Variants in ADAMTSL1 observed in about 807,000 individuals in gnomAD.
ADAMTSL1 encodes the protein ADAMTS-like protein 1.
Under a neutral mutation model 201.8 loss-of-function variants are expected in ADAMTSL1, and 126 were observed. The ratio of observed to expected loss-of-function variants is 0.62; its 90% confidence interval spans 0.54 to 0.72. The LOEUF (loss-of-function observed/expected upper bound fraction) is 0.72, where lower values mean the gene tolerates loss of function less well. Among genes scored for constraint, ADAMTSL1 ranks in the 30% least tolerant of loss-of-function variants. The pLI is 0.00. For missense variants in ADAMTSL1, 2,679 were observed against 2,277.8 expected (o/e 1.18, Z -3.59); for synonymous variants, 1,121 against 903.4 (o/e 1.24, Z -4.32).
At chr9:18,650,177 G>A (rs1828135331) in intron 7 of ADAMTSL1, among the ~76,000 whole-genome samples, 1 of 152,204 alleles carries the variant, frequency 6.6e-6, no homozygotes, top group South Asian at 2.1e-4. Flanking sequence ...GACTCCGTGG[G>A]CGTGGGACCC....
chr9:17,968,707 C>A (rs913649199), intron 1 of ADAMTSL1, among the ~76,000 whole-genome samples: 1 of 152,242 alleles, frequency 6.6e-6, no homozygotes, highest in African/African-American at 2.4e-5. Flanking sequence ...CAGGCTGTGT[C>A]ATGCACTGGC....
chr9:18,016,131 G>C (rs1820250714), intron 1 of ADAMTSL1, among the ~76,000 whole-genome samples: 1 of 152,072 alleles, frequency 6.6e-6, no homozygotes, highest in Non-Finnish European at 1.5e-5. Context: ...ACATAAGAGA[G>C]AGAGTCAGAA....
chr9:18,676,378 A>C (rs535986174), intron 10 of ADAMTSL1, among the ~76,000 whole-genome samples: 1 of 152,232 alleles, frequency 6.6e-6, no homozygotes, highest in East Asian at 1.9e-4. Flanking sequence ...TATTTCAGAT[A>C]AATTATAATT....
At chr9:18,601,447 C>T (rs1162705366) in intron 4 of ADAMTSL1, among the ~76,000 whole-genome samples, 2 of 152,184 alleles carry the variant, frequency 1.3e-5, no homozygotes, top group African/African-American at 2.4e-5. Context: ...CATATTCTGA[C>T]TCTTTCTGTC....
At chr9:18,807,486 A>G (rs1228724987) in intron 20 of ADAMTSL1, among the ~76,000 whole-genome samples, 2 of 152,098 alleles carry the variant, frequency 1.3e-5, no homozygotes, top group African/African-American at 4.8e-5. Context: ...CTACTAAAAA[A>G]TACAAAAAAT....
intron 1 of ADAMTSL1, among the ~76,000 whole-genome samples, chr9:18,091,012 T>C (rs1457971041): frequency 6.6e-6 from 1 of 152,060 alleles, no homozygotes; most frequent in Admixed American, 6.6e-5. Flanking sequence ...CCATTAAGCT[T>C]TTCTCTCCAA....
rs1390114258 is a variant in ADAMTSL1 at position 18,253,676 on chromosome 9, G to A, written c.207+89695G>A. On this transcript the variant is annotated intron_variant, in intron 2 of 29. Coordinates refer to the ADAMTSL1 transcript ENST00000680146. Reference sequence around the variant, plus strand: ...GTCAAGCTTCCCTGTGGTCTGTCTGGTTGGTTCCTTGTTTCTAGCTGGAAC... The same window carrying A: ...GTCAAGCTTCCCTGTGGTCTGTCTGATTGGTTCCTTGTTTCTAGCTGGAAC... Among the ~76,000 whole-genome samples, 4 of 152,142 alleles carry A rather than the reference G, an allele frequency of 2.6e-5. No individual in the cohort carries two copies. In the South Asian group the frequency reaches 8.3e-4, roughly 32 times the overall value.
chr9:18,889,814 C>A, intron 25 of ADAMTSL1, 66 bp downstream of exon 25: 3 of 1,386,132 alleles, frequency 2.2e-6, no homozygotes, highest in Non-Finnish European at 2.8e-6. Context: ...TTAGCGAAGT[C>A]AGTGGCCAGC....
At chr9:18,565,135 G>A (rs180687635) in intron 3 of ADAMTSL1, among the ~76,000 whole-genome samples, 4 of 152,296 alleles carry the variant, frequency 2.6e-5, no homozygotes, top group East Asian at 3.9e-4. Flanking sequence ...AGGAAGGTGG[G>A]ATTGATGATT....
At chr9:18,894,485 G>A (rs1019383359) in intron 26 of ADAMTSL1, among the ~76,000 whole-genome samples, 1 of 151,900 alleles carries the variant, frequency 6.6e-6, no homozygotes, top group Non-Finnish European at 1.5e-5. Flanking sequence ...AGTACCAATG[G>A]AGAGGAATCC....
At chr9:18,470,523 T>C (rs1410481190), upstream of ADAMTSL1, among the ~76,000 whole-genome samples, 1 of 152,158 alleles carries the variant, frequency 6.6e-6, no homozygotes, top group Non-Finnish European at 1.5e-5. Context: ...GAGGGGAGAT[T>C]AGGCCCTGCC....
chr9:18,816,720 CTTTTTTTTTTTTT>C (rs751791974), intron 20 of ADAMTSL1, among the ~76,000 whole-genome samples: 9 of 39,752 alleles, frequency 2.3e-4, no homozygotes, highest in East Asian at 9.0e-4. Context: ...AACCCTTGGT[CTTTTTTTTTTTTT>C]TTTTTTTTTT....
At chr9:18,321,510 T>C (rs1245910631) in intron 2 of ADAMTSL1, among the ~76,000 whole-genome samples, 3 of 152,140 alleles carry the variant, frequency 2.0e-5, no homozygotes, top group Admixed American at 6.5e-5. Context: ...ATACATATTT[T>C]TGGCTGGGCG....
At chr9:18,389,282 T>A (rs1303209061) in intron 2 of ADAMTSL1, among the ~76,000 whole-genome samples, 1 of 152,072 alleles carries the variant, frequency 6.6e-6, no homozygotes, top group African/African-American at 2.4e-5. Context: ...GCCATGTCAA[T>A]AAATTATTTC....
At chr9:18,720,683 T>TGAGGCTCCCGAGG (rs1437888872) in intron 14 of ADAMTSL1, among the ~76,000 whole-genome samples, 1 of 152,118 alleles carries the variant, frequency 6.6e-6, no homozygotes, top group African/African-American at 2.4e-5. Flanking sequence ...CTCGGGAGGC[T>TGAGGCTCCCGAGG]GAGGCAGGAG....
intron 1 of ADAMTSL1, among the ~76,000 whole-genome samples, chr9:18,144,641 T>C (rs1255064908): frequency 1.3e-5 from 2 of 152,192 alleles, no homozygotes; most frequent in African/African-American, 4.8e-5. Context: ...TTATTTACTT[T>C]CTATTTTGGT....
At chr9:18,595,259 G>A (rs572958322) in intron 4 of ADAMTSL1, among the ~76,000 whole-genome samples, 8 of 152,068 alleles carry the variant, frequency 5.3e-5, no homozygotes, top group Non-Finnish European at 1.0e-4. Context: ...AGTGAAAGGG[G>A]CTGGAGTTGA....
chr9:17,996,448 T>C (rs1372227321), intron 1 of ADAMTSL1, among the ~76,000 whole-genome samples: 1 of 152,108 alleles, frequency 6.6e-6, no homozygotes, highest in Non-Finnish European at 1.5e-5. Flanking sequence ...AGTAACTGCC[T>C]CTTTTGTTAC....
chr9:18,106,265 G>C (rs1423186427), intron 1 of ADAMTSL1, among the ~76,000 whole-genome samples: 2 of 152,166 alleles, frequency 1.3e-5, no homozygotes, highest in Non-Finnish European at 2.9e-5. Flanking sequence ...CATATGAAAA[G>C]ACATTTGTTT....
Sources: allele counts gnomAD v4.1 joint callset (sites outside exome capture counted in the v4.1 genomes callset), GRCh38; gene constraint gnomAD v4.1.1; transcripts MANE v1.5; gene names NCBI Gene and HGNC (gene_info 2026-07-23, HGNC 2026-07-21).